The following TEX2 variants were observed in gnomAD, a reference collection of about 807,000 sequenced individuals.
TEX2 encodes the protein testis-expressed protein 2.
In TEX2, 53 loss-of-function variants were observed where a neutral mutation model predicts 106.9. That is an observed-to-expected ratio of 0.50 (90% confidence interval 0.40 to 0.62). The LOEUF is 0.62. TEX2 is among the 20% of genes least tolerant of loss of function. The pLI, the probability that TEX2 is intolerant of heterozygous loss-of-function variation, is 0.00. For synonymous variants in TEX2, 523 were observed against 534.8 expected (o/e 0.98, Z 0.30); for missense variants, 1,207 against 1,379.0 (o/e 0.88, Z 1.98).
At chr17:64,256,869 TAAG>T (rs2034194395) in intron 1 of TEX2, among the ~76,000 whole-genome samples, 1 of 152,120 alleles carries the variant, frequency 6.6e-6, no homozygotes, top group Admixed American at 6.5e-5. Context: ...TAACCATCTA[TAAG>T]AATACAGCCC....
chr17:64,200,002 T>C (rs1340372359), intron 2 of TEX2, among the ~76,000 whole-genome samples: 1 of 152,244 alleles, frequency 6.6e-6, no homozygotes, highest in Non-Finnish European at 1.5e-5. Flanking sequence ...CATAATTAAA[T>C]GAGAGAAGAT....
chr17:64,261,712 C>T (rs1165634553), intron 1 of TEX2, among the ~76,000 whole-genome samples: 3 of 152,134 alleles, frequency 2.0e-5, no homozygotes, highest in Non-Finnish European at 4.4e-5. Context: ...CCTTCACACT[C>T]CCAAAGGGGC....
Position 64,214,212 on chromosome 17 carries a change from T to C in TEX2, c.6A>G (p.Thr2=). The change falls in exon 2 of 12, where the codon ACA becomes ACG. Residue 2 remains threonine (T), a synonymous_variant. Coordinates refer to ENST00000584379, the MANE Select transcript of TEX2 (RefSeq NM_001288732.2). M[T]SLYGRHAEKT... is the part of the protein sequence containing the mutation. ...TCTCGGCATGGCGACCATACAGACT[T>C]GTCATTGCCGGCTTCACAAGGGCTC... The C allele has an allele frequency of 6.2e-7, 1 of 1,610,652 alleles. No individual in the cohort carries two copies. Among genetic ancestry groups the C allele is most frequent in the Non-Finnish European group, 8.5e-7 (1 of 1,177,148 alleles).
rs2030530628 is a variant in TEX2, at chr17:64,154,745, G to A, written c.2930+97C>T. ...CCATCTACTCAACATTAAAGAGGAA[G>A]GAAGATCACAGAGGAAGGAAGGGAA... On this transcript the variant is annotated intron_variant, in intron 9 of 11. Coordinates refer to ENST00000584379, the MANE Select transcript of TEX2 (RefSeq NM_001288732.2). The A allele has an allele frequency of 3.0e-6, 4 of 1,352,684 alleles. No individual in the cohort carries two copies. The Admixed American group carries it at 1.1e-4, about 37-fold the overall frequency. The allele number at this position is 1,352,684 out of a possible 1,614,324, so 83.8% of individuals were successfully genotyped here. A position where few individuals can be genotyped will look rare whatever the true frequency, so the allele number is the denominator to read the frequency against.
At chr17:64,203,500 T>G (rs767812008) in intron 2 of TEX2, among the ~76,000 whole-genome samples, 1 of 152,222 alleles carries the variant, frequency 6.6e-6, no homozygotes, top group Non-Finnish European at 1.5e-5. Context: ...CCTTTTTTGA[T>G]GTATTAATGG....
chr17:64,262,972 C>G (rs1377870201), intron 1 of TEX2, among the ~76,000 whole-genome samples, 196 bp downstream of exon 1: 1 of 152,138 alleles, frequency 6.6e-6, no homozygotes, highest in African/African-American at 2.4e-5. Context: ...GAAGGGATTG[C>G]CCGGGGGTGT....
Position 64,212,874 on chromosome 17 carries a change from C to T in TEX2, c.1344G>A (p.Val448=). The T allele has an allele frequency of 1.2e-6, 2 of 1,614,174 alleles. No individual in the cohort carries two copies. Among genetic ancestry groups the T allele is most frequent in the Non-Finnish European group, 1.7e-6 (2 of 1,180,044 alleles). ...CAAGGACCACACCATCTTCCGCGAGCACCTCTGGCTTGAGAGGAATATCTG... is the reference window on the plus strand; with the variant it reads ...CAAGGACCACACCATCTTCCGCGAGTACCTCTGGCTTGAGAGGAATATCTG... ...KLSDIPLKPE[V]LAEDGVVLDS... is the part of the protein sequence containing the mutation. The change falls in exon 2 of 12, where the codon GTG becomes GTA. Residue 448 remains valine (V), a synonymous_variant. Transcript: ENST00000584379.
At chr17:64,192,930 T>G (rs2047152) in intron 4 of TEX2, among the ~76,000 whole-genome samples, 84,151 of 151,996 alleles carry the variant, frequency 0.55, 24,679 homozygotes, top group East Asian at 0.83. Flanking sequence ...CCCAATTATT[T>G]GTTACACCAC....
At chr17:64,211,686 C>A (rs1218401500) in intron 2 of TEX2, among the ~76,000 whole-genome samples, 4 of 151,908 alleles carry the variant, frequency 2.6e-5, no homozygotes, top group Non-Finnish European at 5.9e-5. Flanking sequence ...CTGAAACATT[C>A]ATCGATTTTG....
chr17:64,195,354 C>CT lies in TEX2; in HGVS notation c.1645-260dup, dbSNP rs1567933405. Among the ~76,000 whole-genome samples the CT allele has an allele frequency of 6.6e-6, 1 of 152,106 alleles. No homozygotes were observed. The highest frequency in any genetic ancestry group is 6.5e-5 in the Admixed American group (1 of 15,268). On this transcript the variant is annotated intron_variant, in intron 2 of 11. Coordinates refer to ENST00000584379, the MANE Select transcript of TEX2 (RefSeq NM_001288732.2). The surrounding 1 kb of genome is among the most constrained non-coding windows in gnomAD (Gnocchi z 4.1). Reference sequence around the variant, plus strand: ...CATTATCCTAAATAAAAGGTTCTTTCTTTTTTTAAAGCTTATAAGCACATC... The same window carrying CT: ...CATTATCCTAAATAAAAGGTTCTTTCTTTTTTTTAAAGCTTATAAGCACATC...
At chr17:64,176,650 C>T (rs895489110) in intron 6 of TEX2, among the ~76,000 whole-genome samples, 2 of 152,198 alleles carry the variant, frequency 1.3e-5, no homozygotes, top group Non-Finnish European at 2.9e-5. Flanking sequence ...CATACTTACA[C>T]AGTTCAAACT....
Position 64,233,698 on chromosome 17 carries a change from A to G in TEX2, c.-25-19456T>C, listed in dbSNP as rs374038260. ...CCAATAACTAGTTAATATAGTCTAC[A>G]CCTACCTTGCAAGGCACCATGTTAG... is the stretch of plus-strand genomic sequence containing the variant. On this transcript the variant is annotated intron_variant, in intron 1 of 11. Coordinates refer to ENST00000584379, the MANE Select transcript of TEX2 (RefSeq NM_001288732.2). 1.2e-4 allele frequency among the ~76,000 whole-genome samples: 19 copies of G among 152,334 alleles called. No individual in the cohort carries two copies. The South Asian group carries it at 2.5e-3, about 20-fold the overall frequency.
chr17:64,247,451 G>A (rs782507791), intron 1 of TEX2, among the ~76,000 whole-genome samples: 5 of 152,238 alleles, frequency 3.3e-5, no homozygotes, highest in Admixed American at 6.5e-5. Flanking sequence ...AGGACACCTG[G>A]CTAGGATGAC....
Position 64,193,590 on chromosome 17 carries a change from C to T in TEX2, c.2145G>A (p.Lys715=). 1 of 1,453,624 alleles carries T rather than the reference C, an allele frequency of 6.9e-7. No homozygotes were observed. Among genetic ancestry groups the T allele is most frequent in the Admixed American group, 2.5e-5 (1 of 40,778 alleles). 90.0% of individuals were successfully genotyped at this position (1,453,624 alleles called of 1,614,324 possible). A position where few individuals can be genotyped will look rare whatever the true frequency, so the allele number is the denominator to read the frequency against. Residue 715 remains lysine (K), a synonymous_variant, in exon 4 of 12, where the codon AAG becomes AAA. Coordinates refer to ENST00000584379, the MANE Select transcript of TEX2 (RefSeq NM_001288732.2). ...TACCTCCAGAGACACCCGATGACTTCTTGATTTCCGACTTTAGCTTAGATG... is the reference window on the plus strand; with the variant it reads ...TACCTCCAGAGACACCCGATGACTTTTTGATTTCCGACTTTAGCTTAGATG... The part of the protein sequence containing the change: ...ILASKLKSEI[K]KSSGVSGGKP...
rs931508200 is a variant in TEX2 at position 64,147,656 on chromosome 17, G to C, written c.*1313C>G. The stretch of plus-strand genomic sequence containing the variant: ...GATCGGCCTACACAACGAAAAATCA[G>C]AACAGTACACCAACTGGAATGGTCA... On this transcript the variant is annotated 3_prime_UTR_variant, in exon 12 of 12. Transcript: ENST00000584379. 1.1e-4 allele frequency: 17 copies of C among 152,564 alleles called. No individual in the cohort carries two copies. The highest frequency in any genetic ancestry group is 3.4e-4 in the African/African-American group (14 of 41,430). 9.5% of individuals were successfully genotyped at this position (152,564 alleles called of 1,614,324 possible). A position where few individuals can be genotyped will look rare whatever the true frequency, so the allele number is the denominator to read the frequency against.
At chr17:64,199,909 A>G (rs1320732661) in intron 2 of TEX2, among the ~76,000 whole-genome samples, 1 of 152,228 alleles carries the variant, frequency 6.6e-6, no homozygotes, top group Non-Finnish European at 1.5e-5. Context: ...CTTCTTGTGC[A>G]TGCTTTCAAC....
At chr17:64,189,037 G>A (rs1396501603) in intron 4 of TEX2, among the ~76,000 whole-genome samples, 1 of 152,152 alleles carries the variant, frequency 6.6e-6, no homozygotes, top group African/African-American at 2.4e-5. Flanking sequence ...GAACTTGTCA[G>A]TGCTATCAGG....
chr17:64,148,834 C>T lies in TEX2; in HGVS notation c.*135G>A. The T allele has an allele frequency of 9.2e-7, 1 of 1,089,662 alleles. No individual in the cohort carries two copies. Among genetic ancestry groups the T allele is most frequent in the Non-Finnish European group, 1.3e-6 (1 of 765,318 alleles). The allele number at this position is 1,089,662 out of a possible 1,614,324, so 67.5% of individuals were successfully genotyped here. ...CACCTCACAGTGGAATGGGCACTGG[C>T]AGGCAGAGGGCAGAAGCAGTCCTTT... On this transcript the variant is annotated 3_prime_UTR_variant, in exon 12 of 12. Transcript: ENST00000584379.
In TEX2 at chr17:64,196,982, A is replaced by ATTTTTTTTTTTT. The variant is rs59960456; in HGVS notation, c.1645-1899_1645-1888dup. On this transcript the variant is annotated intron_variant, in intron 2 of 11. Coordinates refer to ENST00000584379, the MANE Select transcript of TEX2 (RefSeq NM_001288732.2). ...GAAATCAGGGAATAGTCAAATCAAGATTTTTTTTTTTTTTTTTTTTTTTTG... is the reference window on the plus strand; with the variant it reads ...GAAATCAGGGAATAGTCAAATCAAGATTTTTTTTTTTTTTTTTTTTTTTTTTTTTTTTTTTTG... Among the ~76,000 whole-genome samples the ATTTTTTTTTTTT allele has an allele frequency of 7.0e-3, 446 of 63,552 alleles. 64 individuals are homozygous for ATTTTTTTTTTTT. The highest frequency in any genetic ancestry group is 0.034 in the Middle Eastern group (2 of 58). 41.7% of individuals were successfully genotyped at this position (63,552 alleles called of 152,430 possible).
Sources: allele counts gnomAD v4.1 joint callset (sites outside exome capture counted in the v4.1 genomes callset), GRCh38; gene constraint gnomAD v4.1.1; non-coding constraint Gnocchi (gnomAD v3.1); transcripts MANE v1.5; gene names NCBI Gene and HGNC (gene_info 2026-07-23, HGNC 2026-07-21).